RNF31: variants seen among roughly 807,000 people sequenced by gnomAD.
The protein encoded by RNF31 is E3 ubiquitin-protein ligase RNF31.
RNF31 carries 38 observed loss-of-function variants against 133.6 expected under a neutral mutation model. The observed-to-expected ratio is 0.28, with a 90% confidence interval of 0.22 to 0.37. The LOEUF is 0.37. RNF31 is among the 10% of genes least tolerant of loss of function. The pLI is 1.00. For missense variants in RNF31, 1,118 were observed against 1,394.1 expected, an observed-to-expected ratio of 0.80 and a Z score of 3.15; for synonymous variants, 582 against 552.3, an observed-to-expected ratio of 1.05 and a Z score of -0.75.
rs1434859218 is a variant in RNF31, at chr14:24,149,652, C to G, written c.809+69C>G. The G allele has an allele frequency of 5.5e-6, 8 of 1,452,250 alleles. No individual in the cohort carries two copies. In the Admixed American group the frequency reaches 1.5e-4, roughly 28 times the overall value. 90.0% of individuals were successfully genotyped at this position (1,452,250 alleles called of 1,614,324 possible). ...TTAAGATCACTTGATTATGGACTAC[C>G]TGCCAGTTTCTGTGCTAAAGACTGT... On this transcript the variant is annotated intron_variant, in intron 6 of 20. Transcript: ENST00000324103.
In RNF31 at chr14:24,150,179, G is replaced by T; in HGVS notation, c.928G>T (p.Ala310Ser). The T allele has an allele frequency of 6.2e-7, 1 of 1,614,168 alleles. No individual in the cohort carries two copies. The highest frequency in any genetic ancestry group is 8.5e-7 in the Non-Finnish European group (1 of 1,180,018). Residue 310 changes from alanine to serine, a missense_variant, in exon 7 of 21, where the codon GCC becomes TCC. Coordinates refer to ENST00000324103, the MANE Select transcript of RNF31 (RefSeq NM_017999.5). ...TTTGCCCTGGCACTGTGCTGCCTGT[G>T]CCATGCTAAATGAGCCTTGGGCAGT... ...AHLPWHCAAC[A>S]MLNEPWAVLC...
rs955321982 is a variant in RNF31 at position 24,147,690 on chromosome 14, T to A, written c.-9T>A. ...GGGCGGCGAGGCTGGGGCTGACTCCTGCCTCAGGATGCCGGGGGAGGAAGA... is the reference window on the plus strand; with the variant it reads ...GGGCGGCGAGGCTGGGGCTGACTCCAGCCTCAGGATGCCGGGGGAGGAAGA... On this transcript the variant is annotated 5_prime_UTR_variant, in exon 1 of 21. Coordinates refer to ENST00000324103, the MANE Select transcript of RNF31 (RefSeq NM_017999.5). The A allele has an allele frequency of 1.3e-6, 2 of 1,488,336 alleles. No individual in the cohort carries two copies. Among genetic ancestry groups the A allele is most frequent in the Non-Finnish European group, 1.8e-6 (2 of 1,124,778 alleles). 92.2% of individuals were successfully genotyped at this position (1,488,336 alleles called of 1,614,324 possible).
Position 24,160,305 on chromosome 14 carries a change from T to C in RNF31, c.3063T>C (p.Tyr1021=). ...ACTCGCTGGACCCAGCCACCTTGTA[T>C]GAGGTGGAAGAGCTGGAGACGGCCA... The part of the protein sequence containing the change: ...NAHSLDPATL[Y]EVEELETATE... Residue 1021 remains tyrosine, a synonymous_variant, in exon 20 of 21, where the codon TAT becomes TAC. Coordinates refer to ENST00000324103, the MANE Select transcript of RNF31 (RefSeq NM_017999.5). The surrounding 1 kb of genome is among the most constrained non-coding windows in gnomAD (Gnocchi z 4.0). The C allele has an allele frequency of 1.2e-6, 2 of 1,614,100 alleles. No homozygotes were observed. The highest frequency in any genetic ancestry group is 1.7e-5 in the Admixed American group (1 of 60,024).
intron 11 of RNF31, among the ~76,000 whole-genome samples, chr14:24,154,112 A>G (rs1454210546): frequency 6.6e-6 from 1 of 151,680 alleles, no homozygotes; most frequent in Non-Finnish European, 1.5e-5. Context: ...CTCCTGTCCC[A>G]GCCTCCCAAG....
rs753700667 is a variant in RNF31, at chr14:24,150,398, A to C, written c.1147A>C (p.Ser383Arg). The C allele has an allele frequency of 1.2e-5, 20 of 1,613,134 alleles. No homozygotes were observed. Among genetic ancestry groups the C allele is most frequent in the Admixed American group, 1.7e-5 (1 of 59,972 alleles). Residue 383 changes from serine to arginine, a missense_variant, in exon 7 of 21, where the codon AGC becomes CGC. By Grantham distance (110) the Ser-to-Arg change is moderately radical. This residue lies in a region of RNF31 where 747 missense variants were observed against 827.9 expected (regional missense o/e 0.90). Coordinates refer to ENST00000324103, the MANE Select transcript of RNF31 (RefSeq NM_017999.5). ...GCGACCTCGGCTGGCCCAGCCTCCC[A>C]GCTTGGTGGTGGATTCCCGAGATGC... ...CERPRLAQPP[S>R]LVVDSRDAGI...
At position 24,155,709 on chromosome 14, in the gene RNF31, C is replaced by CT. The variant is rs779544133; in HGVS notation, c.2493+20dup. The CT allele has an allele frequency of 1.7e-5, 28 of 1,609,252 alleles. No individual in the cohort carries two copies. Among genetic ancestry groups the CT allele is most frequent in the Admixed American group, 6.7e-5 (4 of 59,990 alleles). ...AAGCGCCAGGTGAGGCACATTCATC[C>CT]TTTCAGAAATACTTGCTGAGCTACT... On this transcript the variant is annotated intron_variant, in intron 14 of 20. Transcript: ENST00000324103. The surrounding 1 kb of genome is among the most constrained non-coding windows in gnomAD (Gnocchi z 4.9).
chr14:24,159,782 C>T, intron 18 of RNF31, 82 bp from the exon 19 acceptor site: 1 of 1,116,926 alleles, frequency 9.0e-7, no homozygotes, highest in Non-Finnish European at 1.3e-6. Context: ...AGGCTGCCTT[C>T]CCTGCCTTGT....
Position 24,155,662 on chromosome 14 carries a change from C to T in RNF31, c.2463C>T (p.His821=). ...EQLEATCPQC[H]QTFCVRCKRQ... ...TGGAGGCAACTTGTCCCCAGTGTCA[C>T]CAGACCTTCTGTGTGCGCTGCAAGC... The change falls in exon 14 of 21, where the codon CAC becomes CAT. Residue 821 remains histidine (H), a synonymous_variant. Transcript: ENST00000324103. The surrounding 1 kb of genome is among the most constrained non-coding windows in gnomAD (Gnocchi z 4.9). 2 of 1,614,178 alleles carry T rather than the reference C, an allele frequency of 1.2e-6. No homozygotes were observed. Among genetic ancestry groups the T allele is most frequent in the South Asian group, 1.1e-5 (1 of 91,082 alleles).
At chr14:24,149,325 T>G (rs1052764634) in intron 5 of RNF31, 81 bp from the exon 6 acceptor site, 13 of 1,392,716 alleles carry the variant, frequency 9.3e-6, no homozygotes, top group Non-Finnish European at 1.3e-5. Context: ...AAAGTAGTCT[T>G]GTGATTTGCC....
At position 24,157,618 on chromosome 14, in the gene RNF31, A is replaced by G. The variant is rs1370815285; in HGVS notation, c.2707A>G (p.Asn903Asp). 22 of 1,613,970 alleles carry G rather than the reference A, an allele frequency of 1.4e-5. No individual in the cohort carries two copies. The East Asian group carries it at 3.1e-4, about 23-fold the overall frequency. The stretch of plus-strand genomic sequence containing the variant: ...CCACCAGTTCTGCAGCGGCTGCTAC[A>G]ATGCCTTTTACGCCAAGAATGTAAG... ...CRHQFCSGCYNAFYAKNKCPE... is the reference protein window; with the variant it reads ...CRHQFCSGCYDAFYAKNKCPE... Residue 903 changes from asparagine (N) to aspartate (D), a missense_variant, in exon 16 of 21, where the codon AAT (asparagine) becomes GAT (aspartate). By Grantham distance (23) the Asn-to-Asp change is conservative (BLOSUM62 1). Around this residue, in one of 3 missense-constraint regions of RNF31, gnomAD observed 201 missense variants for 371.7 expected, o/e 0.54. Transcript: ENST00000324103.
chr14:24,155,356 G>C lies in RNF31; in HGVS notation c.2304+26G>C. The C allele has an allele frequency of 6.2e-7, 1 of 1,614,110 alleles. No individual in the cohort carries two copies. Among genetic ancestry groups the C allele is most frequent in the Non-Finnish European group, 8.5e-7 (1 of 1,180,006 alleles). On this transcript the variant is annotated intron_variant, in intron 12 of 20. Transcript: ENST00000324103. The surrounding 1 kb of genome is among the most constrained non-coding windows in gnomAD (Gnocchi z 4.9). ...GTACTGCAGCCCCTCTAGGACTCAG[G>C]TACCCTGAGCTTTGAACAGGGACCC... is the stretch of plus-strand genomic sequence containing the variant.
At chr14:24,156,087 A>G (rs538099978) in intron 14 of RNF31, among the ~76,000 whole-genome samples, 1 of 152,274 alleles carries the variant, frequency 6.6e-6, no homozygotes, top group Middle Eastern at 3.4e-3. Context: ...CAGCCATGCA[A>G]AGAGCATTTG....
intron 11 of RNF31, among the ~76,000 whole-genome samples, chr14:24,154,006 A>AT (rs1211652345): frequency 6.6e-6 from 1 of 151,112 alleles, no homozygotes; most frequent in Non-Finnish European, 1.5e-5. Flanking sequence ...CAGCGATGAC[A>AT]TTTTTTTGAG....
intron 11 of RNF31, among the ~76,000 whole-genome samples, chr14:24,153,992 C>T (rs2038305754): frequency 6.6e-6 from 1 of 152,226 alleles, no homozygotes; most frequent in Non-Finnish European, 1.5e-5. Flanking sequence ...CACTAACCTT[C>T]ACTCAGCGAT....
At position 24,150,046 on chromosome 14, in the gene RNF31, G is replaced by A. The variant is rs114272097; in HGVS notation, c.810-15G>A. 1,589 of 1,543,264 alleles carry A rather than the reference G, an allele frequency of 1.0e-3. 15 individuals carry two copies. In the African/African-American group the frequency reaches 0.014, roughly 13 times the overall value. Reference sequence around the variant, plus strand: ...GGTGCCACTTCAGCAGGCCATGTCTGCTTTTCCATTACAGTTTACCTGCCT... The same window carrying A: ...GGTGCCACTTCAGCAGGCCATGTCTACTTTTCCATTACAGTTTACCTGCCT... On this transcript the variant is annotated splice_polypyrimidine_tract_variant and intron_variant, in intron 6 of 20. Transcript: ENST00000324103.
At chr14:24,154,966 C>CT (rs1311089775) in intron 11 of RNF31, 191 bp from the exon 12 acceptor site, 2 of 591,984 alleles carry the variant, frequency 3.4e-6, no homozygotes, top group East Asian at 5.6e-5. Flanking sequence ...TCACCATTGT[C>CT]TATTTTCCTC....
chr14:24,159,584 C>CA (rs59295225), intron 18 of RNF31, among the ~76,000 whole-genome samples: 5,700 of 81,894 alleles, frequency 0.07, 193 homozygotes, highest in African/African-American at 0.15. Context: ...AAATAACAAC[C>CA]AAAAAAAAAA....
rs758970468 is a variant in RNF31 at position 24,151,759 on chromosome 14, C to T, written c.1924-27C>T. On this transcript the variant is annotated intron_variant, in intron 10 of 20. Coordinates refer to ENST00000324103, the MANE Select transcript of RNF31 (RefSeq NM_017999.5). This position sits in a 1 kb window ranked among gnomAD's most constrained non-coding sequence, Gnocchi z 5.3. ...GGGTCCCTGGAGTCTGACAGCACTTCCCCCCTCCACCTGAATCATATTGCA... is the reference window on the plus strand; with the variant it reads ...GGGTCCCTGGAGTCTGACAGCACTTTCCCCCTCCACCTGAATCATATTGCA... 11 of 1,599,152 alleles carry T rather than the reference C, an allele frequency of 6.9e-6. No homozygotes were observed. Among genetic ancestry groups the T allele is most frequent in the Non-Finnish European group, 8.5e-6 (10 of 1,171,610 alleles).
Position 24,150,732 on chromosome 14 carries a change from C to G in RNF31, c.1332C>G (p.Ala444=), listed in dbSNP as rs753112681. Reference sequence around the variant, plus strand: ...GTAGCCCCATTCCAGCACAACATGCCCCCCGGCCCTATGCCAGCTCTTTGG... The same window carrying G: ...GTAGCCCCATTCCAGCACAACATGCGCCCCGGCCCTATGCCAGCTCTTTGG... ...RTSSPIPAQH[A]PRPYASSLEK... Residue 444 remains alanine (A), a synonymous_variant, in exon 8 of 21, where the codon GCC becomes GCG. Coordinates refer to ENST00000324103, the MANE Select transcript of RNF31 (RefSeq NM_017999.5). The G allele has an allele frequency of 5.0e-6, 8 of 1,612,616 alleles. No homozygotes were observed. The Admixed American group carries it at 1.3e-4, about 27-fold the overall frequency.
Sources: gnomAD v4.1 joint callset for allele counts (sites outside exome capture counted in the v4.1 genomes callset) on GRCh38, gnomAD v4.1.1 for gene constraint, gnomAD v4.1.1 regional missense constraint, Gnocchi (gnomAD v3.1) non-coding constraint, MANE v1.5 for transcripts, NCBI Gene and HGNC (gene_info 2026-07-23, HGNC 2026-07-21) for gene names.